The following NEURL1 variants were observed in gnomAD, a reference collection of about 807,000 sequenced individuals.
The protein encoded by NEURL1 is E3 ubiquitin-protein ligase NEURL1.
A neutral mutation model predicts 41.2 loss-of-function variants in NEURL1; 26 were observed. The observed-to-expected ratio is 0.63, with a 90% CI of 0.46 to 0.87. The LOEUF (loss-of-function observed/expected upper bound fraction) is 0.87. Among genes scored for constraint, NEURL1 ranks in the 40% least tolerant of loss-of-function variants. The pLI, the probability that NEURL1 is intolerant of heterozygous loss-of-function variation, is 0.00. For synonymous variants in NEURL1, 400 were observed against 402.3 expected, an observed-to-expected ratio of 0.99 and a Z score of 0.07; for missense variants, 761 against 871.1, an observed-to-expected ratio of 0.87 and a Z score of 1.59.
At chr10:103,501,962 T>C (rs1397477069) in intron 1 of NEURL1, among the ~76,000 whole-genome samples, 1 of 151,778 alleles carries the variant, frequency 6.6e-6, no homozygotes, top group Non-Finnish European at 1.5e-5. Flanking sequence ...AGACAGAGTC[T>C]CTGTATGTTA....
chr10:103,520,215 A>C (rs12268628), intron 1 of NEURL1, among the ~76,000 whole-genome samples: 1 of 152,012 alleles, frequency 6.6e-6, no homozygotes, highest in Non-Finnish European at 1.5e-5. Context: ...AGTGTCACGT[A>C]CGTCCGTGTG....
At chr10:103,569,903 AG>A (rs1163744557) in intron 1 of NEURL1, among the ~76,000 whole-genome samples, 14 of 152,108 alleles carry the variant, frequency 9.2e-5, no homozygotes, top group African/African-American at 3.4e-4. Context: ...CGGGGATTGG[AG>A]ATGCAAAGTG....
intron 4 of NEURL1, among the ~76,000 whole-genome samples, chr10:103,586,812 G>A (rs1564834421): frequency 6.6e-6 from 1 of 152,170 alleles, no homozygotes; most frequent in Non-Finnish European, 1.5e-5. Context: ...ACTTAGAGAG[G>A]CCGAGGCAGA....
chr10:103,516,964 T>TCCTC (rs1310501657), intron 1 of NEURL1, among the ~76,000 whole-genome samples: 2 of 150,616 alleles, frequency 1.3e-5, no homozygotes, highest in African/African-American at 4.9e-5. Flanking sequence ...CCTTTCCTTT[T>TCCTC]CCTCCCTCCC....
rs555198907 is a variant in NEURL1, at chr10:103,508,854, G to C, written c.85+14382G>C. Among the ~76,000 whole-genome samples, 49 of 152,296 alleles carry C rather than the reference G, an allele frequency of 3.2e-4. No individual in the cohort carries two copies. The highest frequency in any genetic ancestry group is 1.1e-3 in the African/African-American group (47 of 41,566). On this transcript the variant is annotated intron_variant, in intron 1 of 5. Transcript: ENST00000369780. This position sits in a 1 kb window ranked among gnomAD's most constrained non-coding sequence, Gnocchi z 4.3. ...AAAATGTGAAAGAAGCTGTTTTAGG[G>C]ATCTTGGGTTTCCTCATCTGATCCC...
chr10:103,577,134 T>C lies in NEURL1; in HGVS notation c.649+5312T>C, dbSNP rs767583020. 4.4e-4 allele frequency among the ~76,000 whole-genome samples: 67 copies of C among 152,212 alleles called. 1 individual carries two copies. The highest frequency in any genetic ancestry group is 1.3e-4 in the Admixed American group (2 of 15,288). On this transcript the variant is annotated intron_variant, in intron 3 of 5. Coordinates refer to ENST00000369780, the MANE Select transcript of NEURL1 (RefSeq NM_004210.5). ...GAGGCTGCCGATCATGATTTCTTCCTCTTTGATGATTTTCATTTCTTTTTG... is the reference window on the plus strand; with the variant it reads ...GAGGCTGCCGATCATGATTTCTTCCCCTTTGATGATTTTCATTTCTTTTTG...
In NEURL1 at chr10:103,566,312, G is replaced by A. The variant is rs1410202555; in HGVS notation, c.86-4560G>A. Among the ~76,000 whole-genome samples, 2 of 152,080 alleles carry A rather than the reference G, an allele frequency of 1.3e-5. No homozygotes were observed. Among genetic ancestry groups the A allele is most frequent in the Admixed American group, 6.6e-5 (1 of 15,252 alleles). ...GGTCTCACGGTGTTGTCCAGGCTAA[G>A]ATATGGAACATTTCTATCGCCATAA... On this transcript the variant is annotated intron_variant, in intron 1 of 5. Coordinates refer to ENST00000369780, the MANE Select transcript of NEURL1 (RefSeq NM_004210.5). The surrounding 1 kb of genome is among the most constrained non-coding windows in gnomAD (Gnocchi z 4.2).
chr10:103,589,449 A>T (rs2086303670), intron 4 of NEURL1, 65 bp from the exon 5 acceptor site: 2 of 1,503,974 alleles, frequency 1.3e-6, no homozygotes, highest in Non-Finnish European at 1.8e-6. Flanking sequence ...TGTGAGGGAC[A>T]GAGCTTTCTC....
intron 1 of NEURL1, among the ~76,000 whole-genome samples, chr10:103,505,972 G>A (rs1427642377): frequency 6.6e-6 from 1 of 152,248 alleles, no homozygotes; most frequent in East Asian, 1.9e-4. Context: ...CAGGGGAGGA[G>A]GAGGAGGAGA....
intron 1 of NEURL1, among the ~76,000 whole-genome samples, chr10:103,501,078 T>C (rs993156972): frequency 4.6e-5 from 7 of 152,032 alleles, no homozygotes; most frequent in African/African-American, 1.7e-4. Context: ...TGTTCAGGGA[T>C]GGTGAGCAGT....
intron 1 of NEURL1, among the ~76,000 whole-genome samples, chr10:103,554,288 C>T (rs190166904): frequency 3.3e-5 from 5 of 152,242 alleles, no homozygotes; most frequent in African/African-American, 7.2e-5. Context: ...TGGAAGCAGG[C>T]GTATGTTGAC....
intron 1 of NEURL1, among the ~76,000 whole-genome samples, chr10:103,513,147 A>C (rs1401444588): frequency 2.0e-5 from 3 of 152,018 alleles, no homozygotes; most frequent in Non-Finnish European, 2.9e-5. Context: ...GCTCCCCAGC[A>C]GCCCTCCCTG....
At chr10:103,540,850 A>G (rs999693935) in intron 1 of NEURL1, among the ~76,000 whole-genome samples, 1 of 152,140 alleles carries the variant, frequency 6.6e-6, no homozygotes, top group East Asian at 1.9e-4. Flanking sequence ...AAGGGGTGGA[A>G]TTGGTACTCA....
intron 1 of NEURL1, among the ~76,000 whole-genome samples, chr10:103,532,840 C>T (rs1031707134): frequency 9.9e-5 from 15 of 151,680 alleles, no homozygotes; most frequent in Non-Finnish European, 1.9e-4. Flanking sequence ...TCTGGATGTC[C>T]ACATCTTTCC....
At chr10:103,542,960 A>G (rs1015774535) in intron 1 of NEURL1, among the ~76,000 whole-genome samples, 1 of 152,228 alleles carries the variant, frequency 6.6e-6, no homozygotes, top group Non-Finnish European at 1.5e-5. Flanking sequence ...CATTAAAACA[A>G]AAAAACGAAA....
chr10:103,532,920 CTTTTT>C (rs144783148), intron 1 of NEURL1, among the ~76,000 whole-genome samples: 9 of 63,574 alleles, frequency 1.4e-4, no homozygotes, highest in African/African-American at 4.2e-4. Context: ...TTCTCTTCTC[CTTTTT>C]TTTTTTTTTT....
At chr10:103,582,472 C>T (rs948998640) in intron 3 of NEURL1, among the ~76,000 whole-genome samples, 18 of 152,090 alleles carry the variant, frequency 1.2e-4, no homozygotes, top group Admixed American at 4.6e-4. Flanking sequence ...CTCGCCAACA[C>T]GATTCCAGGA....
chr10:103,585,124 A>G lies in NEURL1; in HGVS notation c.1238A>G (p.His413Arg), dbSNP rs1284707724. Residue 413 changes from histidine to arginine, a missense_variant, in exon 4 of 6, where the codon CAC becomes CGC. Transcript: ENST00000369780. ...VNADGELHLS[H>R]NGAAAGMQLC... ...GCCGACGGCGAGCTGCACCTCAGCC[A>G]CAATGGCGCGGCCGCCGGCATGCAG... The G allele has an allele frequency of 1.3e-6, 2 of 1,591,048 alleles. No homozygotes were observed. The highest frequency in any genetic ancestry group is 1.7e-5 in the Admixed American group (1 of 59,198).
chr10:103,498,447 C>T (rs113922647), intron 1 of NEURL1, among the ~76,000 whole-genome samples: 90 of 152,134 alleles, frequency 5.9e-4, no homozygotes, highest in African/African-American at 2.1e-3. Flanking sequence ...AGGATGGTCT[C>T]GATCTCCTGA....
Sources: allele counts gnomAD v4.1 joint callset (sites outside exome capture counted in the v4.1 genomes callset), GRCh38; gene constraint gnomAD v4.1.1; non-coding constraint Gnocchi (gnomAD v3.1); transcripts MANE v1.5; gene names NCBI Gene and HGNC (gene_info 2026-07-23, HGNC 2026-07-21).